Variants in ARHGAP35 observed in about 807,000 individuals in gnomAD.
ARHGAP35 encodes Rho GTPase activating protein 35, also known as rho GTPase-activating protein 35.
Under a neutral mutation model 111.1 loss-of-function variants are expected in ARHGAP35, and 15 were observed. That is an observed-to-expected ratio of 0.13 (90% CI 0.09 to 0.21). The LOEUF is 0.21. Ranked by LOEUF, ARHGAP35 falls within the 10% of genes least tolerant of loss-of-function variation. ARHGAP35 has a pLI of 1.00. For synonymous variants in ARHGAP35, 643 were observed against 710.3 expected (o/e 0.91, Z 1.51); for missense variants, 1,262 against 1,873.0 (o/e 0.67, Z 6.02).
At chr19:46,882,857 G>A (rs1599797541) in intron 1 of ARHGAP35, among the ~76,000 whole-genome samples, 1 of 152,160 alleles carries the variant, frequency 6.6e-6, no homozygotes, top group East Asian at 1.9e-4. Context: ...GCTGCAGGCT[G>A]TTTCACTTTA....
Position 46,919,647 on chromosome 19 carries a change from C to G in ARHGAP35, c.972C>G (p.His324Gln). The G allele has an allele frequency of 6.2e-7, 1 of 1,613,966 alleles. No individual in the cohort carries two copies. ...TQKAKKLFLQ[H>Q]IHRLKHEHIE... is the part of the protein sequence containing the mutation. ...AAGCCAAGAAGCTGTTTCTACAGCA[C>G]ATCCACCGCCTCAAGCATGAGCATA... The change falls in exon 2 of 7, where the codon CAC becomes CAG. Residue 324 changes from histidine (H) to glutamine (Q), a missense_variant. This residue lies in a region of ARHGAP35 where 328 missense variants were observed against 440.8 expected (regional missense o/e 0.74). Coordinates refer to ENST00000672722, the MANE Select transcript of ARHGAP35 (RefSeq NM_004491.5). This position sits in a 1 kb window ranked among gnomAD's most constrained non-coding sequence, Gnocchi z 6.2.
intron 3 of ARHGAP35, among the ~76,000 whole-genome samples, chr19:46,960,187 C>T (rs2056471679): frequency 6.6e-6 from 1 of 151,952 alleles, no homozygotes; most frequent in African/African-American, 2.4e-5. Context: ...CCCTTTTCCG[C>T]CTTCTCTCCA....
chr19:46,903,668 G>A (rs1406316235), intron 1 of ARHGAP35, among the ~76,000 whole-genome samples: 2 of 152,156 alleles, frequency 1.3e-5, no homozygotes, highest in Non-Finnish European at 2.9e-5. Context: ...GGCTAAACCA[G>A]TGATAAGAGA....
rs2055824053 is a variant in ARHGAP35, at chr19:46,861,154, C to G, written c.-244C>G. On this transcript the variant is annotated 5_prime_UTR_variant, in exon 1 of 7. Coordinates refer to ENST00000672722, the MANE Select transcript of ARHGAP35 (RefSeq NM_004491.5). The stretch of plus-strand genomic sequence containing the variant: ...AGCAGGGGAACATGGCGCCGGGGCC[C>G]CCGTCGTTGCTGCCGGGATTTTGGA... 6.6e-6 allele frequency among the ~76,000 whole-genome samples: 1 copy of G among 151,656 alleles called. No homozygotes were observed. The highest frequency in any genetic ancestry group is 1.5e-5 in the Non-Finnish European group (1 of 67,844).
chr19:46,979,224 C>A (rs1397306508), intron 3 of ARHGAP35, among the ~76,000 whole-genome samples: 3 of 152,096 alleles, frequency 2.0e-5, no homozygotes, highest in African/African-American at 7.2e-5. Flanking sequence ...CTCGGAGTCA[C>A]ACTGCCATCA....
chr19:46,978,396 C>T (rs1457597413), intron 3 of ARHGAP35, among the ~76,000 whole-genome samples: 1 of 152,024 alleles, frequency 6.6e-6, no homozygotes, highest in Non-Finnish European at 1.5e-5. Context: ...TGCTTGTAAC[C>T]CCAAGGGGCT....
intron 1 of ARHGAP35, among the ~76,000 whole-genome samples, chr19:46,877,678 G>A (rs902974671): frequency 7.9e-5 from 12 of 152,098 alleles, no homozygotes; most frequent in Non-Finnish European, 1.3e-4. Context: ...TAATTTAAAA[G>A]TACCTTTTTA....
intron 1 of ARHGAP35, among the ~76,000 whole-genome samples, chr19:46,869,893 T>C (rs1484332984): frequency 6.6e-6 from 1 of 151,592 alleles, no homozygotes; most frequent in Non-Finnish European, 1.5e-5. Flanking sequence ...TAGAGGCTGG[T>C]GGATGCTGCT....
In ARHGAP35 at chr19:46,925,439, C is replaced by A. The variant is rs144251228; in HGVS notation, c.3681+3083C>A. On this transcript the variant is annotated intron_variant, in intron 2 of 6. Coordinates refer to ENST00000672722, the MANE Select transcript of ARHGAP35 (RefSeq NM_004491.5). Reference sequence around the variant, plus strand: ...TGGCCTTTGGTTTTTATTGGCATGACAAAGCAATACAATATTTATTTGGAG... The same window carrying A: ...TGGCCTTTGGTTTTTATTGGCATGAAAAAGCAATACAATATTTATTTGGAG... Among the ~76,000 whole-genome samples, 393 of 152,274 alleles carry A rather than the reference C, an allele frequency of 2.6e-3. 1 individual carries two copies. The highest frequency in any genetic ancestry group is 9.1e-3 in the African/African-American group (377 of 41,550).
At chr19:46,997,096 G>A (rs761303704) in intron 5 of ARHGAP35, among the ~76,000 whole-genome samples, 1 of 152,198 alleles carries the variant, frequency 6.6e-6, no homozygotes, top group African/African-American at 2.4e-5. Context: ...GGCAGAGGTT[G>A]CAGTGAGCTG....
rs77158735 is a variant in ARHGAP35 at position 46,994,015 on chromosome 19, C to G, written c.4036+4340C>G. 2.3e-3 allele frequency among the ~76,000 whole-genome samples: 346 copies of G among 152,280 alleles called. 6 individuals are homozygous for G. In the East Asian group the frequency reaches 0.032, roughly 14 times the overall value. ...GCAGAGGATGTGAGGATCGGGCCCTCCACAGTCTGGGTCCTGAGGGGACTC... is the reference window on the plus strand; with the variant it reads ...GCAGAGGATGTGAGGATCGGGCCCTGCACAGTCTGGGTCCTGAGGGGACTC... On this transcript the variant is annotated intron_variant, in intron 5 of 6. Coordinates refer to ENST00000672722, the MANE Select transcript of ARHGAP35 (RefSeq NM_004491.5). This position sits in a 1 kb window ranked among gnomAD's most constrained non-coding sequence, Gnocchi z 5.4.
At chr19:46,980,952 C>T (rs2056617413) in intron 3 of ARHGAP35, among the ~76,000 whole-genome samples, 1 of 152,200 alleles carries the variant, frequency 6.6e-6, no homozygotes, top group Admixed American at 6.5e-5. Flanking sequence ...GAAATGGAGA[C>T]ATGATTGCTT....
At chr19:46,896,611 G>A (rs1349389818) in intron 1 of ARHGAP35, among the ~76,000 whole-genome samples, 1 of 152,156 alleles carries the variant, frequency 6.6e-6, no homozygotes, top group Admixed American at 6.5e-5. Context: ...GTCCATTCTG[G>A]CTTTGCAGCA....
Position 46,920,443 on chromosome 19 carries a change from C to T in ARHGAP35, c.1768C>T (p.Leu590Phe), listed in dbSNP as rs751915398. ...RPSDRNQKNS[L>F]SDPNIDRINL... ...GTCTGACCGGAATCAGAAAAATTCA[C>T]TCTCTGACCCTAACATTGATAGAAT... Residue 590 changes from leucine (L) to phenylalanine (F), a missense_variant, in exon 2 of 7, where the codon CTC (leucine) becomes TTC (phenylalanine). By Grantham distance (22) the Leu-to-Phe change is conservative. Coordinates refer to ENST00000672722, the MANE Select transcript of ARHGAP35 (RefSeq NM_004491.5). The surrounding 1 kb of genome is among the most constrained non-coding windows in gnomAD (Gnocchi z 7.0). 5.0e-6 allele frequency: 8 copies of T among 1,613,754 alleles called. No homozygotes were observed. Among genetic ancestry groups the T allele is most frequent in the Admixed American group, 1.7e-5 (1 of 60,006 alleles).
chr19:46,964,008 C>T (rs990077099), intron 3 of ARHGAP35, among the ~76,000 whole-genome samples: 1 of 151,964 alleles, frequency 6.6e-6, no homozygotes, highest in Non-Finnish European at 1.5e-5. Flanking sequence ...GCTGGGATTA[C>T]AGGTGAGTGC....
chr19:46,871,928 G>C (rs535707785), intron 1 of ARHGAP35, among the ~76,000 whole-genome samples: 1 of 151,894 alleles, frequency 6.6e-6, no homozygotes, highest in Non-Finnish European at 1.5e-5. Flanking sequence ...TGCAGTGAGC[G>C]GAGATTATGC....
intron 1 of ARHGAP35, among the ~76,000 whole-genome samples, chr19:46,876,256 A>G (rs917755837): frequency 2.6e-5 from 4 of 151,460 alleles, no homozygotes; most frequent in Non-Finnish European, 5.9e-5. Context: ...CATGGAGTAC[A>G]GTGGCATGAT....
chr19:47,001,289 C>T lies in ARHGAP35; in HGVS notation c.*601C>T, dbSNP rs1375881854. Reference sequence around the variant, plus strand: ...CGGAGGATAGCTTTGTGCCTGGACCCAGAGAGTGTGGGACTCCCCGCTTCA... The same window carrying T: ...CGGAGGATAGCTTTGTGCCTGGACCTAGAGAGTGTGGGACTCCCCGCTTCA... On this transcript the variant is annotated 3_prime_UTR_variant, in exon 7 of 7. Coordinates refer to ENST00000672722, the MANE Select transcript of ARHGAP35 (RefSeq NM_004491.5). This position sits in a 1 kb window ranked among gnomAD's most constrained non-coding sequence, Gnocchi z 5.4. The T allele has an allele frequency of 7.7e-7, 1 of 1,290,370 alleles. No individual in the cohort carries two copies. The highest frequency in any genetic ancestry group is 1.0e-6 in the Non-Finnish European group (1 of 989,388). 79.9% of individuals were successfully genotyped at this position (1,290,370 alleles called of 1,614,324 possible).
intron 5 of ARHGAP35, among the ~76,000 whole-genome samples, chr19:46,995,082 C>T (rs1310901031): frequency 6.6e-6 from 1 of 152,146 alleles, no homozygotes; most frequent in South Asian, 2.1e-4. Context: ...TGGTGCCTCC[C>T]CCAGTCCTGA....
Sources: allele counts gnomAD v4.1 joint callset (sites outside exome capture counted in the v4.1 genomes callset), GRCh38; gene constraint gnomAD v4.1.1; regional missense constraint gnomAD v4.1.1; non-coding constraint Gnocchi (gnomAD v3.1); transcripts MANE v1.5; gene names NCBI Gene and HGNC (gene_info 2026-07-23, HGNC 2026-07-21).